Variants in DCHS2 observed in about 807,000 individuals in gnomAD.
DCHS2 encodes dachsous cadherin-related 2.
In DCHS2, 142 loss-of-function variants were observed where a neutral mutation model predicts 182.4. The ratio of observed to expected loss-of-function variants is 0.78; its 90% confidence interval spans 0.68 to 0.89. The LOEUF (loss-of-function observed/expected upper bound fraction) is 0.89, where lower values mean the gene tolerates loss of function less well. DCHS2 is among the 40% of genes least tolerant of loss of function. The pLI is 0.00. For synonymous variants in DCHS2, 1,740 were observed against 1,663.3 expected, an observed-to-expected ratio of 1.05 and a Z score of -1.12; for missense variants, 4,319 against 4,198.6, an observed-to-expected ratio of 1.03 and a Z score of -0.79.
intron 1 of DCHS2, among the ~76,000 whole-genome samples, chr4:154,457,354 A>G (rs570923837): frequency 6.6e-6 from 1 of 152,238 alleles, no homozygotes; most frequent in Admixed American, 6.5e-5. Flanking sequence ...CGTGCAAATC[A>G]TTTTCATGTC....
chr4:154,275,498 A>G (rs1032105099), intron 13 of DCHS2, among the ~76,000 whole-genome samples: 2 of 152,140 alleles, frequency 1.3e-5, no homozygotes, highest in Non-Finnish European at 2.9e-5. Context: ...TTATAATCTG[A>G]TGCTTATTTT....
At position 154,357,218 on chromosome 4, in the gene DCHS2, C is replaced by T. The variant is rs755369411; in HGVS notation, c.2476+8992G>A. The T allele has an allele frequency of 3.1e-6, 5 of 1,602,308 alleles. No homozygotes were observed. In the African/African-American group the frequency reaches 4.0e-5, roughly 13 times the overall value. ...CTTTTTTGGAGAAGGCTAACCTCTA[C>T]TTGAAGTGCCTTAGCAGAGGTAAAA... On this transcript the variant is annotated intron_variant, in intron 3 of 19. Coordinates refer to ENST00000357232, the MANE Select transcript of DCHS2 (RefSeq NM_001358235.2).
At chr4:154,373,974 TC>T (rs746373377) in intron 2 of DCHS2, 4 of 1,501,276 alleles carry the variant, frequency 2.7e-6, no homozygotes, top group South Asian at 1.2e-5. Flanking sequence ...AATGAATTGA[TC>T]CTTTTTGGAG....
At position 154,320,969 on chromosome 4, in the gene DCHS2, A is replaced by G. The variant is rs1434891080; in HGVS notation, c.4430T>C (p.Phe1477Ser). Residue 1477 changes from phenylalanine to serine, a missense_variant, in exon 9 of 20, where the codon TTC (phenylalanine) becomes TCC (serine). Phe to Ser is a radical substitution (Grantham distance 155). Transcript: ENST00000357232. The part of the protein sequence containing the change: ...LDYETTSHYL[F>S]RVITTDHSKN... ...GCTATGGTCTGTAGTAATCACTCTG[A>G]AAAGATAATGAGATGTCGTCTCATA... The G allele has an allele frequency of 6.2e-7, 1 of 1,614,126 alleles. No individual in the cohort carries two copies. Among genetic ancestry groups the G allele is most frequent in the South Asian group, 1.1e-5 (1 of 91,074 alleles).
chr4:154,485,161 A>T lies in DCHS2; in HGVS notation c.2052+4143T>A, dbSNP rs60514211. On this transcript the variant is annotated intron_variant, in intron 1 of 19. Transcript: ENST00000357232. ...AGGAAGAGATTATAGAAAGGCAAGG[A>T]GTGAGGGGAAGACAGAGCCTTTGGG... 3.3e-5 allele frequency among the ~76,000 whole-genome samples: 5 copies of T among 152,090 alleles called. No individual in the cohort carries two copies. In the South Asian group the frequency reaches 1.0e-3, roughly 32 times the overall value.
At chr4:154,384,416 T>A in intron 1 of DCHS2, 3 of 1,613,522 alleles carry the variant, frequency 1.9e-6, no homozygotes, top group Non-Finnish European at 2.5e-6. Context: ...TTCTGAACAC[T>A]ATAGCACCCC....
chr4:154,251,653 G>T (rs192270136), intron 16 of DCHS2, among the ~76,000 whole-genome samples: 56 of 152,194 alleles, frequency 3.7e-4, no homozygotes, highest in Non-Finnish European at 4.4e-5. Flanking sequence ...CGAGTAGCTG[G>T]GATTACAGGA....
rs186264003 is a variant in DCHS2, at chr4:154,411,607, G to T, written c.2053-34163C>A. On this transcript the variant is annotated intron_variant, in intron 1 of 19. Transcript: ENST00000357232. ...ACTCCCTCTCAAAAAAAAAAGAAAA[G>T]AATAAACAAGTCTGAACAAGTCAAA... 2.8e-3 allele frequency among the ~76,000 whole-genome samples: 428 copies of T among 151,858 alleles called. 1 individual carries two copies. Among genetic ancestry groups the T allele is most frequent in the African/African-American group, 8.8e-3 (366 of 41,428 alleles).
At chr4:154,335,253 T>G (rs1728741024) in intron 3 of DCHS2, 149 bp from the exon 4 acceptor site, 1 of 637,664 alleles carries the variant, frequency 1.6e-6, no homozygotes, top group African/African-American at 1.8e-5. Context: ...GATCAAACAT[T>G]ATTTTGAGTG....
chr4:154,435,064 C>A (rs949253485), intron 1 of DCHS2, among the ~76,000 whole-genome samples: 1 of 151,978 alleles, frequency 6.6e-6, no homozygotes. Flanking sequence ...TAGTAATGCA[C>A]CAAGGTTTGT....
At chr4:154,391,573 A>G (rs976461364) in intron 1 of DCHS2, among the ~76,000 whole-genome samples, 18 of 152,188 alleles carry the variant, frequency 1.2e-4, no homozygotes, top group African/African-American at 4.1e-4. Flanking sequence ...TGGCAACAAA[A>G]GTCCAGGCAA....
intron 16 of DCHS2, among the ~76,000 whole-genome samples, chr4:154,249,021 C>T (rs536123932): frequency 6.6e-6 from 1 of 152,202 alleles, no homozygotes; most frequent in African/African-American, 2.4e-5. Context: ...TTGAAATTGG[C>T]CCTGGCAAGA....
chr4:154,430,883 C>T (rs367902745), intron 1 of DCHS2, among the ~76,000 whole-genome samples: 1 of 152,188 alleles, frequency 6.6e-6, no homozygotes. Context: ...AGTGTCCACA[C>T]GTGCAAGTGC....
At chr4:154,272,020 T>C (rs931294881) in intron 13 of DCHS2, 1 of 152,188 alleles carries the variant, frequency 6.6e-6, no homozygotes, top group Non-Finnish European at 1.5e-5. Flanking sequence ...ATTTCATACA[T>C]TTGTGAATTA....
intron 1 of DCHS2, among the ~76,000 whole-genome samples, chr4:154,434,829 T>A (rs1733706172): frequency 6.6e-6 from 1 of 152,108 alleles, no homozygotes; most frequent in South Asian, 2.1e-4. Flanking sequence ...CTGAGAAAAA[T>A]GTAGGACAAA....
At chr4:154,369,715 T>C (rs1013693933) in intron 2 of DCHS2, among the ~76,000 whole-genome samples, 12 of 152,076 alleles carry the variant, frequency 7.9e-5, no homozygotes, top group African/African-American at 2.9e-4. Flanking sequence ...TGAGTATGTC[T>C]TAATTTTGTC....
At chr4:154,279,547 A>G (rs1005535227) in intron 13 of DCHS2, among the ~76,000 whole-genome samples, 2 of 152,086 alleles carry the variant, frequency 1.3e-5, no homozygotes, top group African/African-American at 4.8e-5. Context: ...TTCAACCACA[A>G]TGGAATGAAA....
At position 154,298,646 on chromosome 4, in the gene DCHS2, C is replaced by T. The variant is rs991940335; in HGVS notation, c.5668G>A (p.Ala1890Thr). ...EMSGELSTTR[A>T]LDREQISNFT... Reference sequence around the variant, plus strand: ...TTGCTGATTTGCTCCCGGTCCAAAGCACGAGTGGTTGAGAGTTCTCCTGAC... The same window carrying T: ...TTGCTGATTTGCTCCCGGTCCAAAGTACGAGTGGTTGAGAGTTCTCCTGAC... The change falls in exon 13 of 20, where the codon GCT (alanine) becomes ACT (threonine). Residue 1890 changes from alanine (A) to threonine (T), a missense_variant. Ala to Thr is a moderately conservative substitution (Grantham distance 58, BLOSUM62 0). Coordinates refer to ENST00000357232, the MANE Select transcript of DCHS2 (RefSeq NM_001358235.2). 1.9e-6 allele frequency: 3 copies of T among 1,613,610 alleles called. No homozygotes were observed. The highest frequency in any genetic ancestry group is 2.5e-6 in the Non-Finnish European group (3 of 1,179,750).
intron 3 of DCHS2, among the ~76,000 whole-genome samples, chr4:154,349,662 G>A (rs191998179): frequency 1.3e-5 from 2 of 152,182 alleles, no homozygotes; most frequent in African/African-American, 4.8e-5. Context: ...ATCCTTTCAT[G>A]TCTACTTAGG....
Sources: allele counts gnomAD v4.1 joint callset (sites outside exome capture counted in the v4.1 genomes callset), GRCh38; gene constraint gnomAD v4.1.1; transcripts MANE v1.5; gene names NCBI Gene and HGNC (gene_info 2026-07-23, HGNC 2026-07-21).